Variants in TBC1D22A observed in about 807,000 individuals in gnomAD.
TBC1D22A encodes putative GTPase activator.
A neutral mutation model predicts 60.2 loss-of-function variants in TBC1D22A; 38 were observed. The observed-to-expected ratio is 0.63, with a 90% CI of 0.49 to 0.83. The LOEUF (loss-of-function observed/expected upper bound fraction) is 0.83. Among genes scored for constraint, TBC1D22A ranks in the 40% least tolerant of loss-of-function variants. The pLI is 0.00. For missense variants in TBC1D22A, 628 were observed against 701.0 expected, an observed-to-expected ratio of 0.90 and a Z score of 1.18; for synonymous variants, 302 against 281.7, an observed-to-expected ratio of 1.07 and a Z score of -0.72.
chr22:46,876,359 C>T (rs888023047), intron 4 of TBC1D22A, among the ~76,000 whole-genome samples: 1 of 152,230 alleles, frequency 6.6e-6, no homozygotes, highest in Non-Finnish European at 1.5e-5. Context: ...TACAAAGACA[C>T]ATGTGCATAC....
At chr22:46,927,633 A>T (rs1373372378) in intron 8 of TBC1D22A, among the ~76,000 whole-genome samples, 2 of 152,250 alleles carry the variant, frequency 1.3e-5, no homozygotes, top group African/African-American at 2.4e-5. Context: ...CCAGAATGGA[A>T]AAAAATAAAA....
intron 12 of TBC1D22A, among the ~76,000 whole-genome samples, chr22:47,159,615 CTA>C (rs1245324264): frequency 1.3e-5 from 2 of 151,660 alleles, no homozygotes; most frequent in African/African-American, 2.4e-5. Flanking sequence ...TGTACATACA[CTA>C]TACACACACA....
At chr22:46,936,506 G>A (rs1483078302) in intron 8 of TBC1D22A, among the ~76,000 whole-genome samples, 1 of 152,284 alleles carries the variant, frequency 6.6e-6, no homozygotes, top group Non-Finnish European at 1.5e-5. Context: ...GGGGCCTGGG[G>A]CCAGGGCCGG....
At chr22:47,019,152 G>C (rs189693546) in intron 10 of TBC1D22A, among the ~76,000 whole-genome samples, 1 of 152,220 alleles carries the variant, frequency 6.6e-6, no homozygotes. Flanking sequence ...CGGAGCCTGC[G>C]TTTGTTCACT....
At chr22:47,096,975 T>G (rs570158103) in intron 11 of TBC1D22A, among the ~76,000 whole-genome samples, 2 of 123,084 alleles carry the variant, frequency 1.6e-5, no homozygotes, top group South Asian at 5.7e-4. Flanking sequence ...TTGTTTTCTC[T>G]GTACCATTGA....
intron 1 of TBC1D22A, 71 bp downstream of exon 1, chr22:46,762,919 C>A: frequency 7.1e-7 from 1 of 1,402,630 alleles, no homozygotes. Flanking sequence ...GCCTCCTGGG[C>A]TGCGGGTGGA....
chr22:47,022,821 C>T (rs920275513), intron 10 of TBC1D22A, among the ~76,000 whole-genome samples: 7 of 152,188 alleles, frequency 4.6e-5, no homozygotes, highest in Non-Finnish European at 7.3e-5. Context: ...GAAACCTGAA[C>T]GAAATACTAC....
At chr22:47,085,506 G>A (rs1290229613) in intron 11 of TBC1D22A, among the ~76,000 whole-genome samples, 2 of 152,086 alleles carry the variant, frequency 1.3e-5, no homozygotes, top group Non-Finnish European at 1.5e-5. Flanking sequence ...GGAAGGATTA[G>A]AAGTAAAATG....
In TBC1D22A at chr22:47,150,898, C is replaced by T. The variant is rs186841881; in HGVS notation, c.1426-22600C>T. Among the ~76,000 whole-genome samples the T allele has an allele frequency of 1.1e-4, 16 of 152,314 alleles. No individual in the cohort carries two copies. The East Asian group carries it at 1.5e-3, about 15-fold the overall frequency. ...AATGATGGTGCCATTCTCTTCCTTC[C>T]GTGGGAACTCTGTGGCCCTCACGTG... is the stretch of plus-strand genomic sequence containing the variant. On this transcript the variant is annotated intron_variant, in intron 12 of 12. Transcript: ENST00000337137.
intron 4 of TBC1D22A, among the ~76,000 whole-genome samples, chr22:46,813,158 A>G (rs965320564): frequency 6.6e-6 from 1 of 152,104 alleles, no homozygotes; most frequent in Non-Finnish European, 1.5e-5. Flanking sequence ...CTTTTCTTCC[A>G]TTTATTCATG....
At chr22:46,971,257 G>A (rs2074046847) in intron 8 of TBC1D22A, among the ~76,000 whole-genome samples, 2 of 152,174 alleles carry the variant, frequency 1.3e-5, no homozygotes, top group Non-Finnish European at 2.9e-5. Flanking sequence ...CTCCTGCCTG[G>A]CTCACGCGGC....
Position 46,838,817 on chromosome 22 carries a change from C to T in TBC1D22A, c.638-39836C>T, listed in dbSNP as rs1446603406. On this transcript the variant is annotated intron_variant, in intron 4 of 12. Transcript: ENST00000337137. ...ATGAAGGAGAAAAATTATATCATCT[C>T]AATAGATGCAGAAAAATCATTTGAC... Among the ~76,000 whole-genome samples, 3 of 152,080 alleles carry T rather than the reference C, an allele frequency of 2.0e-5. No individual in the cohort carries two copies. The East Asian group carries it at 5.8e-4, about 29-fold the overall frequency.
At chr22:46,772,543 T>C (rs543245424) in intron 1 of TBC1D22A, among the ~76,000 whole-genome samples, 1 of 63,336 alleles carries the variant, frequency 1.6e-5, no homozygotes, top group Admixed American at 1.9e-4. Flanking sequence ...TACATATATA[T>C]GTATACACAC....
At position 47,061,737 on chromosome 22, in the gene TBC1D22A, T is replaced by C. The variant is rs540620783; in HGVS notation, c.1329+24539T>C. Among the ~76,000 whole-genome samples the C allele has an allele frequency of 2.1e-3, 314 of 152,240 alleles. 2 individuals are homozygous for C. The highest frequency in any genetic ancestry group is 0.017 in the South Asian group (83 of 4,820). ...TGTCTTTGTGTAGTGGAGTGGTTTG[T>C]CATCGTAAAGGATTCTTTCCTTAAA... is the stretch of plus-strand genomic sequence containing the variant. On this transcript the variant is annotated intron_variant, in intron 11 of 12. Transcript: ENST00000337137.
At chr22:46,928,982 T>C (rs1272535092) in intron 8 of TBC1D22A, among the ~76,000 whole-genome samples, 2 of 152,180 alleles carry the variant, frequency 1.3e-5, no homozygotes, top group African/African-American at 4.8e-5. Context: ...TGTTAATGGG[T>C]ACAGAGTTTC....
At chr22:47,079,825 TAA>T (rs1380698929) in intron 11 of TBC1D22A, among the ~76,000 whole-genome samples, 3 of 152,294 alleles carry the variant, frequency 2.0e-5, no homozygotes, top group African/African-American at 7.2e-5. Flanking sequence ...ATACTTCAAT[TAA>T]AAGATAGATT....
intron 12 of TBC1D22A, among the ~76,000 whole-genome samples, chr22:47,172,057 C>G (rs369941634): frequency 9.0e-6 from 1 of 110,682 alleles, no homozygotes; most frequent in South Asian, 3.3e-4. Flanking sequence ...CCCAGTGAGC[C>G]TACCCAGCAC....
At chr22:47,019,094 G>T (rs150262286) in intron 10 of TBC1D22A, among the ~76,000 whole-genome samples, 2 of 152,216 alleles carry the variant, frequency 1.3e-5, no homozygotes, top group Admixed American at 6.5e-5. Context: ...CTTCACTCCC[G>T]CGCCTCCCAG....
In TBC1D22A at chr22:47,158,886, C is replaced by A. The variant is rs574731721; in HGVS notation, c.1426-14612C>A. On this transcript the variant is annotated intron_variant, in intron 12 of 12. Coordinates refer to ENST00000337137, the MANE Select transcript of TBC1D22A (RefSeq NM_014346.5). ...GCGCAGGTCCCCTCCCCAGGCCACA[C>A]ACACACACACCACAGTTACCACATA... Among the ~76,000 whole-genome samples the A allele has an allele frequency of 2.0e-5, 3 of 152,208 alleles. No homozygotes were observed. The South Asian group carries it at 6.2e-4, about 32-fold the overall frequency.
Sources: gnomAD v4.1 joint callset for allele counts (sites outside exome capture counted in the v4.1 genomes callset) on GRCh38, gnomAD v4.1.1 for gene constraint, MANE v1.5 for transcripts, NCBI Gene and HGNC (gene_info 2026-07-23, HGNC 2026-07-21) for gene names.